Variants in CLEC16A observed in about 807,000 individuals in gnomAD.
CLEC16A encodes protein CLEC16A.
CLEC16A carries 51 observed loss-of-function variants against 109.5 expected under a neutral mutation model. The observed-to-expected ratio is 0.47, with a 90% CI of 0.37 to 0.59. The LOEUF is 0.59. Ranked by LOEUF, CLEC16A falls within the 20% of genes least tolerant of loss-of-function variation. The pLI is 0.00. For synonymous variants in CLEC16A, 673 were observed against 564.2 expected (o/e 1.19, Z -2.73); for missense variants, 1,339 against 1,394.0 (o/e 0.96, Z 0.63).
Position 11,178,699 on chromosome 16 carries a change from CG to C in CLEC16A, c.*13del. Reference sequence around the variant, plus strand: ...GCACCGCTGAGGACTGAGTCAGTGCCGGGGCCTCCCTTTGTGTGTGTGGCCC... The same window carrying C: ...GCACCGCTGAGGACTGAGTCAGTGCCGGGCCTCCCTTTGTGTGTGTGGCCC... On this transcript the variant is annotated 3_prime_UTR_variant, in exon 24 of 24. Coordinates refer to ENST00000409790, the MANE Select transcript of CLEC16A (RefSeq NM_015226.3). This position sits in a 1 kb window ranked among gnomAD's most constrained non-coding sequence, Gnocchi z 6.5. The C allele has an allele frequency of 1.4e-6, 2 of 1,463,422 alleles. No homozygotes were observed. Among genetic ancestry groups the C allele is most frequent in the South Asian group, 1.4e-5 (1 of 72,822 alleles). The allele number at this position is 1,463,422 out of a possible 1,614,324, so 90.7% of individuals were successfully genotyped here.
chr16:11,076,517 T>G (rs2049384789), intron 19 of CLEC16A, among the ~76,000 whole-genome samples: 1 of 152,142 alleles, frequency 6.6e-6, no homozygotes, highest in South Asian at 2.1e-4. Flanking sequence ...CTCCTCACCC[T>G]GAAGCTGCTG....
intron 11 of CLEC16A, among the ~76,000 whole-genome samples, chr16:11,019,122 T>G (rs1238661258): frequency 6.6e-6 from 1 of 152,158 alleles, no homozygotes; most frequent in Non-Finnish European, 1.5e-5. Flanking sequence ...GGTTCACATT[T>G]TGTCATCTCT....
At chr16:10,992,929 G>T (rs2044113503) in intron 10 of CLEC16A, among the ~76,000 whole-genome samples, 1 of 152,106 alleles carries the variant, frequency 6.6e-6, no homozygotes, top group African/African-American at 2.4e-5. Context: ...CAGGGAGCTA[G>T]GCCTGCTGAG....
At chr16:11,041,086 A>G (rs2047309565) in intron 14 of CLEC16A, 1 of 152,194 alleles carries the variant, frequency 6.6e-6, no homozygotes, top group Non-Finnish European at 1.5e-5. Context: ...TCAGTCAGTT[A>G]CAGATGCTTC....
intron 11 of CLEC16A, among the ~76,000 whole-genome samples, chr16:11,005,115 C>T (rs906690879): frequency 2.0e-5 from 3 of 152,256 alleles, no homozygotes; most frequent in Admixed American, 6.5e-5. Context: ...CATTCCAGTC[C>T]TTTTAAGGAT....
At chr16:10,944,905 CG>C in intron 1 of CLEC16A, 108 bp downstream of exon 1, 4 of 1,072,546 alleles carry the variant, frequency 3.7e-6, no homozygotes, top group Non-Finnish European at 5.4e-6. Context: ...GAAGGGCGCC[CG>C]GGGAAGCCCG....
At chr16:11,141,883 A>G (rs916652282) in intron 22 of CLEC16A, among the ~76,000 whole-genome samples, 2 of 152,182 alleles carry the variant, frequency 1.3e-5, no homozygotes, top group African/African-American at 4.8e-5. Context: ...CGCAGAGCGT[A>G]GTGAGGTGGG....
intron 14 of CLEC16A, 168 bp downstream of exon 14, chr16:11,040,044 C>T: frequency 1.3e-6 from 1 of 752,650 alleles, no homozygotes; most frequent in Non-Finnish European, 2.0e-6. Flanking sequence ...GCCCTCCTGC[C>T]TGCTGGGACT....
At chr16:11,173,641 C>G (rs1045998929) in intron 23 of CLEC16A, among the ~76,000 whole-genome samples, 1 of 152,146 alleles carries the variant, frequency 6.6e-6, no homozygotes, top group African/African-American at 2.4e-5. Context: ...CACCAAGAAC[C>G]TCCTCACTTG....
At chr16:11,116,398 AAAAGAAAAG>A (rs1465194414) in intron 19 of CLEC16A, among the ~76,000 whole-genome samples, 211 of 93,174 alleles carry the variant, frequency 2.3e-3, no homozygotes, top group African/African-American at 8.8e-3. Context: ...GTCTAAAAGA[AAAAGAAAAG>A]AAAAAAAAAG....
At chr16:10,984,636 A>C (rs145880982) in intron 10 of CLEC16A, among the ~76,000 whole-genome samples, 1 of 152,332 alleles carries the variant, frequency 6.6e-6, no homozygotes, top group Non-Finnish European at 1.5e-5. Flanking sequence ...AGATTTTCCT[A>C]GTGGTCCATC....
At chr16:10,995,705 G>A (rs1241248410) in intron 10 of CLEC16A, among the ~76,000 whole-genome samples, 1 of 152,188 alleles carries the variant, frequency 6.6e-6, no homozygotes, top group Non-Finnish European at 1.5e-5. Flanking sequence ...CTGTTTTACA[G>A]ATGAGGAACT....
At chr16:10,972,376 C>A in intron 5 of CLEC16A, 178 bp from the exon 6 acceptor site, 1 of 598,066 alleles carries the variant, frequency 1.7e-6, no homozygotes, top group Non-Finnish European at 3.0e-6. Context: ...GTTGGTTCTG[C>A]TGCCTCCTGC....
At chr16:11,116,138 C>T (rs1337554693) in intron 19 of CLEC16A, among the ~76,000 whole-genome samples, 2 of 151,954 alleles carry the variant, frequency 1.3e-5, no homozygotes, top group African/African-American at 4.8e-5. Flanking sequence ...GCCTCTAATC[C>T]CAGCACTTTG....
At chr16:10,990,280 T>C (rs942081779) in intron 10 of CLEC16A, among the ~76,000 whole-genome samples, 2 of 152,246 alleles carry the variant, frequency 1.3e-5, no homozygotes, top group Admixed American at 6.5e-5. Context: ...CACCGAAGTA[T>C]TGAATGTGGC....
chr16:11,086,661 G>C (rs1458631943), intron 19 of CLEC16A, among the ~76,000 whole-genome samples: 2 of 152,124 alleles, frequency 1.3e-5, no homozygotes, highest in African/African-American at 4.8e-5. Context: ...TCCTGCCTCA[G>C]CCTCCCAAGT....
At chr16:11,043,154 C>T (rs924197726) in intron 15 of CLEC16A, among the ~76,000 whole-genome samples, 1 of 152,082 alleles carries the variant, frequency 6.6e-6, no homozygotes, top group Non-Finnish European at 1.5e-5. Context: ...TGCAGTGGCT[C>T]ATGCATGTAA....
chr16:11,121,143 A>G (rs113847275), intron 20 of CLEC16A, among the ~76,000 whole-genome samples: 153 of 152,338 alleles, frequency 1.0e-3, no homozygotes, highest in African/African-American at 3.4e-3. Context: ...ATGATATCAC[A>G]TTGAATATGT....
chr16:10,977,320 T>C lies in CLEC16A; in HGVS notation c.824T>C (p.Leu275Pro). Residue 275 changes from leucine to proline, a missense_variant, in exon 8 of 24, where the codon CTC (leucine) becomes CCC (proline). Physicochemically the swap from Leu to Pro is moderately conservative, Grantham distance 98. This residue lies in a region of CLEC16A where 161 missense variants were observed against 267.1 expected (regional missense o/e 0.60). Coordinates refer to ENST00000409790, the MANE Select transcript of CLEC16A (RefSeq NM_015226.3). Reference protein sequence around the residue: ...NDILIINCEFLNDVLTDHLLN... With the variant: ...NDILIINCEFPNDVLTDHLLN... ...ATCCTGATCATCAACTGTGAGTTCC[T>C]CAACGATGTGCTCACTGACCACCTG... is the stretch of plus-strand genomic sequence containing the variant. 1 of 1,614,002 alleles carries C rather than the reference T, an allele frequency of 6.2e-7. No homozygotes were observed. The highest frequency in any genetic ancestry group is 8.5e-7 in the Non-Finnish European group (1 of 1,179,880).
Sources: allele counts gnomAD v4.1 joint callset (sites outside exome capture counted in the v4.1 genomes callset), GRCh38; gene constraint gnomAD v4.1.1; regional missense constraint gnomAD v4.1.1; non-coding constraint Gnocchi (gnomAD v3.1); transcripts MANE v1.5; gene names NCBI Gene and HGNC (gene_info 2026-07-23, HGNC 2026-07-21).